TBCD: variants seen among roughly 807,000 people sequenced by gnomAD.
The protein encoded by TBCD is tubulin folding cofactor D.
TBCD carries 105 observed loss-of-function variants against 169.3 expected under a neutral mutation model. The ratio of observed to expected loss-of-function variants is 0.62; its 90% confidence interval spans 0.53 to 0.73. The LOEUF is 0.73. TBCD is among the 30% of genes least tolerant of loss of function. The pLI is 0.00. For synonymous variants in TBCD, 700 were observed against 643.9 expected (o/e 1.09, Z -1.32); for missense variants, 1,444 against 1,600.1 (o/e 0.90, Z 1.66).
chr17:82,870,072 G>C (rs2057447753), intron 13 of TBCD, among the ~76,000 whole-genome samples, 152 bp from the exon 14 acceptor site: 1 of 152,220 alleles, frequency 6.6e-6, no homozygotes, highest in South Asian at 2.1e-4. Flanking sequence ...TCTAACAGGA[G>C]CCCCGAACCT....
At chr17:82,850,128 T>TGC (rs2055599368) in intron 13 of TBCD, among the ~76,000 whole-genome samples, 7 of 19,160 alleles carry the variant, frequency 3.7e-4, no homozygotes, top group African/African-American at 1.3e-3. Context: ...GTTGGCTGTG[T>TGC]TGTTGTTGGC....
intron 2 of TBCD, among the ~76,000 whole-genome samples, chr17:82,763,053 C>G (rs2047846999): frequency 1.3e-5 from 2 of 152,170 alleles, no homozygotes; most frequent in Non-Finnish European, 2.9e-5. Context: ...GTAGATTGTT[C>G]TCTAAATGTC....
intron 9 of TBCD, among the ~76,000 whole-genome samples, chr17:82,804,161 G>A (rs1249508324): frequency 2.6e-5 from 4 of 151,674 alleles, no homozygotes; most frequent in African/African-American, 9.7e-5. Flanking sequence ...GGGGTGTTGG[G>A]GAAGAGTGGG....
chr17:82,822,147 G>A (rs1337192656), intron 13 of TBCD, among the ~76,000 whole-genome samples: 1 of 152,234 alleles, frequency 6.6e-6, no homozygotes, highest in Non-Finnish European at 1.5e-5. Context: ...CTCTCTGGAT[G>A]ACGAAAACTC....
rs1052376212 is a variant in TBCD, at chr17:82,810,394, G to C, written c.1223+612G>C. Among the ~76,000 whole-genome samples the C allele has an allele frequency of 6.6e-5, 10 of 152,208 alleles. No homozygotes were observed. The East Asian group carries it at 1.9e-3, about 29-fold the overall frequency. On this transcript the variant is annotated intron_variant, in intron 12 of 38. Transcript: ENST00000355528. ...AGTTTGAGGCTTCATGAGCCATGAT[G>C]GTGCCACTGCTGCACTCCAGACTGG... is the stretch of plus-strand genomic sequence containing the variant.
chr17:82,939,494 C>G lies in TBCD; in HGVS notation c.3479+18C>G. ...ACTGCGTGGTGAGTGAAGGCCCTTC[C>G]TGCACGGCCACCTGGGCCTGGCACC... On this transcript the variant is annotated intron_variant, in intron 37 of 38. Coordinates refer to ENST00000355528, the MANE Select transcript of TBCD (RefSeq NM_005993.5). 6.3e-7 allele frequency: 1 copy of G among 1,597,922 alleles called. No homozygotes were observed. The highest frequency in any genetic ancestry group is 8.6e-7 in the Non-Finnish European group (1 of 1,168,436).
At chr17:82,808,861 G>A (rs2051215398) in intron 11 of TBCD, among the ~76,000 whole-genome samples, 2 of 149,992 alleles carry the variant, frequency 1.3e-5, no homozygotes, top group Admixed American at 1.3e-4. Flanking sequence ...GGGCTGGCAG[G>A]TGCTGAGGTA....
At chr17:82,899,335 CTCGTGTCCTCAGTGCGTGTCCGCAGT>C (rs2059728663) in intron 17 of TBCD, among the ~76,000 whole-genome samples, 3 of 149,842 alleles carry the variant, frequency 2.0e-5, no homozygotes, top group African/African-American at 4.9e-5. Flanking sequence ...GCGTCCTCAG[CTCGTGTCCTCAGTGCGTGTCCGCAGT>C]GCGTCCTCAG....
In TBCD at chr17:82,906,016, G is replaced by C. The variant is rs2060225777; in HGVS notation, c.1885G>C (p.Ala629Pro). 6.2e-7 allele frequency: 1 copy of C among 1,611,852 alleles called. No individual in the cohort carries two copies. Among genetic ancestry groups the C allele is most frequent in the Non-Finnish European group, 8.5e-7 (1 of 1,179,084 alleles). Reference protein sequence around the residue: ...HGSILACAEVAYALYKLAAQE... With the variant: ...HGSILACAEVPYALYKLAAQE... ...GTCGATTCTCGCCTGCGCAGAAGTTGCTTACGCCTTGTACAAACTTGCAGC... is the reference window on the plus strand; with the variant it reads ...GTCGATTCTCGCCTGCGCAGAAGTTCCTTACGCCTTGTACAAACTTGCAGC... Residue 629 changes from alanine (A) to proline (P), a missense_variant, in exon 20 of 39, where the codon GCT (alanine) becomes CCT (proline). Coordinates refer to ENST00000355528, the MANE Select transcript of TBCD (RefSeq NM_005993.5).
At chr17:82,778,508 G>A (rs777517184) in intron 6 of TBCD, among the ~76,000 whole-genome samples, 14 of 152,142 alleles carry the variant, frequency 9.2e-5, no homozygotes, top group Non-Finnish European at 1.5e-4. Flanking sequence ...GCCCAGGCGC[G>A]AGTGCAGTGG....
Position 82,752,193 on chromosome 17 carries a change from G to T in TBCD, c.-1G>T, listed in dbSNP as rs1039336790. ...GGGGGCGCGGTCCCCAGGCTGCCGAGATGGCCCTGAGCGACGAACCGGCCG... is the reference window on the plus strand; with the variant it reads ...GGGGGCGCGGTCCCCAGGCTGCCGATATGGCCCTGAGCGACGAACCGGCCG... On this transcript the variant is annotated 5_prime_UTR_variant, in exon 1 of 39. Transcript: ENST00000355528. The T allele has an allele frequency of 1.3e-6, 2 of 1,519,196 alleles. No individual in the cohort carries two copies. The highest frequency in any genetic ancestry group is 4.2e-5 in the Admixed American group (2 of 48,030). 94.1% of individuals were successfully genotyped at this position (1,519,196 alleles called of 1,614,324 possible).
chr17:82,814,924 A>T lies in TBCD; in HGVS notation c.1308A>T (p.Arg436=). The change falls in exon 13 of 39, where the codon CGA becomes CGT. Residue 436 remains arginine (R), a synonymous_variant. Transcript: ENST00000355528. ...LGRRGLLLPS[R]LVDVVAVILK... is the part of the protein sequence containing the mutation. ...GGAGAGGCCTGTTGCTGCCGTCTCG[A>T]CTCGTGGATGGTGAGTAGCTGAGGC... The T allele has an allele frequency of 6.2e-7, 1 of 1,604,650 alleles. No individual in the cohort carries two copies.
chr17:82,925,005 C>A lies in TBCD; in HGVS notation c.2327C>A (p.Ser776Ter). 6.4e-7 allele frequency: 1 copy of A among 1,573,796 alleles called. No individual in the cohort carries two copies. Among genetic ancestry groups the A allele is most frequent in the Admixed American group, 1.8e-5 (1 of 54,734 alleles). ...GAGGAGATGACTCGCTGTGGCTTCT[C>A]GTTGGCCTTGGGCGCCCTTCCAGGC... ...NPEEMTRCGFSLALGALPGFL... is the reference protein window; with the variant it reads ...NPEEMTRCGF Residue 776 changes from serine (S) to a stop codon, truncating the protein, a stop_gained, in exon 27 of 39, where the codon TCG becomes TAG. Coordinates refer to ENST00000355528, the MANE Select transcript of TBCD (RefSeq NM_005993.5). LOFTEE classifies it high-confidence loss of function.
At chr17:82,816,344 G>A (rs1462449494) in intron 13 of TBCD, among the ~76,000 whole-genome samples, 4 of 152,170 alleles carry the variant, frequency 2.6e-5, no homozygotes, top group African/African-American at 9.7e-5. Context: ...GGTTAATGCT[G>A]CCATGAACAT....
rs148132128 is a variant in TBCD at position 82,901,261 on chromosome 17, A to T, written c.1730+530A>T. On this transcript the variant is annotated intron_variant, in intron 18 of 38. Coordinates refer to ENST00000355528, the MANE Select transcript of TBCD (RefSeq NM_005993.5). ...GCATAAACAGCGCGTTAGTGCTGTG[A>T]CCGCCGCCCTGAGGAGGTCAGAGGG... is the stretch of plus-strand genomic sequence containing the variant. Among the ~76,000 whole-genome samples, 1,214 of 152,322 alleles carry T rather than the reference A, an allele frequency of 8.0e-3. 9 individuals carry two copies. Among genetic ancestry groups the T allele is most frequent in the South Asian group, 0.016 (77 of 4,818 alleles).
Position 82,809,708 on chromosome 17 carries a change from C to G in TBCD, c.1149C>G (p.Gly383=), listed in dbSNP as rs1448466317. Residue 383 remains glycine (G), a splice_region_variant and synonymous_variant, in exon 12 of 39, where the codon GGC becomes GGG. Transcript: ENST00000355528. ...ACGGATTGCTGCGTTTCTCTTTCAGCATCGGTAGGATGGCTGGCAGGCTTC... is the reference window on the plus strand; with the variant it reads ...ACGGATTGCTGCGTTTCTCTTTCAGGATCGGTAGGATGGCTGGCAGGCTTC... The part of the protein sequence containing the change: ...DTVVRWSAAK[G]IGRMAGRLPR... 6.2e-7 allele frequency: 1 copy of G among 1,612,824 alleles called. No individual in the cohort carries two copies. Among genetic ancestry groups the G allele is most frequent in the South Asian group, 1.1e-5 (1 of 90,854 alleles).
In TBCD at chr17:82,831,114, C is replaced by T. The variant is rs139944246; in HGVS notation, c.1318+16180C>T. The stretch of plus-strand genomic sequence containing the variant: ...TGAAGGCTGTGAGGCTTTGCTCTGG[C>T]GGGTAGAGTCTTCCCAGTGCGCTGG... On this transcript the variant is annotated intron_variant, in intron 13 of 38. Transcript: ENST00000355528. This position sits in a 1 kb window ranked among gnomAD's most constrained non-coding sequence, Gnocchi z 4.6. 5.0e-6 allele frequency: 8 copies of T among 1,614,042 alleles called. No homozygotes were observed. The highest frequency in any genetic ancestry group is 3.3e-5 in the South Asian group (3 of 91,086).
intron 1 of TBCD, among the ~76,000 whole-genome samples, chr17:82,754,787 G>A (rs965876402): frequency 2.6e-5 from 4 of 152,230 alleles, no homozygotes; most frequent in African/African-American, 9.6e-5. Flanking sequence ...ATGTGGAGGT[G>A]GGAGCTGCCG....
At chr17:82,759,857 T>C (rs1452698415) in intron 2 of TBCD, among the ~76,000 whole-genome samples, 1 of 151,636 alleles carries the variant, frequency 6.6e-6, no homozygotes, top group African/African-American at 2.4e-5. Flanking sequence ...CCTATCTGTA[T>C]GCTCTTTTTT....
Sources: allele counts gnomAD v4.1 joint callset (sites outside exome capture counted in the v4.1 genomes callset), GRCh38; gene constraint gnomAD v4.1.1; non-coding constraint Gnocchi (gnomAD v3.1); transcripts MANE v1.5; gene names NCBI Gene and HGNC (gene_info 2026-07-23, HGNC 2026-07-21).